The following TLCD4 variants were observed in gnomAD, a reference collection of about 807,000 sequenced individuals.
TLCD4 encodes TLC domain containing 4.
A neutral mutation model predicts 24.2 loss-of-function variants in TLCD4; 7 were observed. The ratio of observed to expected loss-of-function variants is 0.29; its 90% CI spans 0.16 to 0.54. TLCD4 has a LOEUF of 0.54. Among genes scored for constraint, TLCD4 ranks in the 20% least tolerant of loss-of-function variants. TLCD4 has a pLI of 0.95. For synonymous variants in TLCD4, 103 were observed against 106.4 expected (o/e 0.97, Z 0.20); for missense variants, 259 against 313.9 (o/e 0.82, Z 1.32).
intron 6 of TLCD4, among the ~76,000 whole-genome samples, chr1:95,185,993 A>G (rs1013640480): frequency 1.3e-5 from 2 of 152,224 alleles, no homozygotes; most frequent in African/African-American, 2.4e-5. Flanking sequence ...AAGCAATTAT[A>G]TGGGAACTAT....
At chr1:95,156,484 G>A (rs1304876232) in intron 5 of TLCD4, among the ~76,000 whole-genome samples, 1 of 152,120 alleles carries the variant, frequency 6.6e-6, no homozygotes, top group Non-Finnish European at 1.5e-5. Context: ...TTCACGGAAT[G>A]GTTGTAGGAT....
chr1:95,169,790 T>C (rs1022295929), intron 5 of TLCD4, among the ~76,000 whole-genome samples: 2 of 152,184 alleles, frequency 1.3e-5, no homozygotes, highest in Admixed American at 1.3e-4. Context: ...ATGATCTTCC[T>C]GCCTTAGCCT....
intron 6 of TLCD4, among the ~76,000 whole-genome samples, chr1:95,184,439 A>G (rs987482704): frequency 7.2e-5 from 11 of 151,954 alleles, no homozygotes; most frequent in African/African-American, 2.2e-4. Flanking sequence ...TAGTTTTTAC[A>G]CTTTTTCTAG....
intron 1 of TLCD4, among the ~76,000 whole-genome samples, chr1:95,123,522 A>G (rs1298471899): frequency 2.6e-5 from 4 of 152,222 alleles, no homozygotes; most frequent in Non-Finnish European, 4.4e-5. Flanking sequence ...AAACTAGCTC[A>G]TTACAAAAAA....
chr1:95,124,087 G>A (rs1676646724), intron 1 of TLCD4, among the ~76,000 whole-genome samples: 1 of 152,184 alleles, frequency 6.6e-6, no homozygotes, highest in Non-Finnish European at 1.5e-5. Flanking sequence ...GGGGGATTAG[G>A]CATGCACATT....
At chr1:95,136,253 T>G (rs1288990575) in intron 1 of TLCD4, among the ~76,000 whole-genome samples, 1 of 152,118 alleles carries the variant, frequency 6.6e-6, no homozygotes, top group African/African-American at 2.4e-5. Context: ...TGTTTTTTTT[T>G]GTGTGTGTTT....
upstream of TLCD4, among the ~76,000 whole-genome samples, chr1:95,113,457 T>G (rs1033651769): frequency 6.6e-6 from 1 of 152,154 alleles, no homozygotes; most frequent in African/African-American, 2.4e-5. Context: ...TACCATAAGA[T>G]GTCAATAAAG....
intron 5 of TLCD4, among the ~76,000 whole-genome samples, chr1:95,165,587 T>C (rs1449823206): frequency 6.6e-6 from 1 of 151,076 alleles, no homozygotes; most frequent in African/African-American, 2.4e-5. Flanking sequence ...TGCCTCAGCC[T>C]CCCAAGTAGT....
chr1:95,151,289 C>T, intron 4 of TLCD4, 36 bp from the exon 5 acceptor site: 1 of 1,604,936 alleles, frequency 6.2e-7, no homozygotes, highest in South Asian at 1.1e-5. Flanking sequence ...CAACTTTCTT[C>T]TTATGTAATA....
At chr1:95,098,708 G>T in the TLCD4 span, among the ~76,000 whole-genome samples, 1 of 152,136 alleles carries the variant, frequency 6.6e-6, no homozygotes, top group Non-Finnish European at 1.5e-5. Flanking sequence ...TTGTGGTCTT[G>T]CGTCTCAGTG....
chr1:95,141,959 A>G (rs1409757982), intron 1 of TLCD4, among the ~76,000 whole-genome samples: 1 of 152,196 alleles, frequency 6.6e-6, no homozygotes, highest in Non-Finnish European at 1.5e-5. Context: ...AGTGCAGTCA[A>G]TGACTTGGCT....
At chr1:95,097,570 A>C in the TLCD4 span, among the ~76,000 whole-genome samples, 1 of 152,254 alleles carries the variant, frequency 6.6e-6, no homozygotes, top group Non-Finnish European at 1.5e-5. Flanking sequence ...GGAGTAACGA[A>C]GTAGGGAAAC....
chr1:95,139,174 C>CAAAAAAAAAAAAAAAAAAAAAAAAAA, intron 1 of TLCD4, among the ~76,000 whole-genome samples: 1 of 76,814 alleles, frequency 1.3e-5, no homozygotes, highest in Non-Finnish European at 2.7e-5. Flanking sequence ...GAACCTGTGT[C>CAAAAAAAAAAAAAAAAAAAAAAAAAA]AAAAAAAAAA....
At position 95,192,141 on chromosome 1, in the gene TLCD4, CAAAA is replaced by C. The variant is rs1475509100; in HGVS notation, c.*278_*281del. 2.3e-5 allele frequency: 10 copies of C among 439,102 alleles called. No individual in the cohort carries two copies. Among genetic ancestry groups the C allele is most frequent in the Middle Eastern group, 1.6e-3 (2 of 1,224 alleles). 27.2% of individuals were successfully genotyped at this position (439,102 alleles called of 1,614,324 possible). A position where few individuals can be genotyped will look rare whatever the true frequency, so the allele number is the denominator to read the frequency against. ...TGAAACCTCATCTCTACTAAAAATA[CAAAA>C]AAAAGTAGCTGGGCGTGGTGGTTGG... On this transcript the variant is annotated 3_prime_UTR_variant, in exon 7 of 7. Transcript: ENST00000370203.
intron 1 of TLCD4, among the ~76,000 whole-genome samples, chr1:95,132,633 A>G (rs1458655436): frequency 6.6e-6 from 1 of 152,130 alleles, no homozygotes; most frequent in Non-Finnish European, 1.5e-5. Flanking sequence ...AGTAATATCA[A>G]GTAGCAGTAG....
the TLCD4 span, among the ~76,000 whole-genome samples, chr1:95,106,138 G>C: frequency 1.3e-5 from 2 of 152,046 alleles, no homozygotes; most frequent in Non-Finnish European, 2.9e-5. Context: ...ATTGAGAAAG[G>C]CTCAAATTCT....
At chr1:95,127,726 C>G (rs74103669) in intron 1 of TLCD4, among the ~76,000 whole-genome samples, 2,572 of 152,266 alleles carry the variant, frequency 0.017, 46 homozygotes, top group Middle Eastern at 0.075. Flanking sequence ...GGGACTCTTC[C>G]TAGCATAGAC....
At position 95,197,412 on chromosome 1, in the gene TLCD4, G is replaced by A. The variant is rs947172516; in HGVS notation, c.*5544G>A. The A allele has an allele frequency of 6.6e-6, 1 of 152,072 alleles. No individual in the cohort carries two copies. The highest frequency in any genetic ancestry group is 1.5e-5 in the Non-Finnish European group (1 of 68,020). The allele number at this position is 152,072 out of a possible 1,614,324, so 9.4% of individuals were successfully genotyped here. On this transcript the variant is annotated 3_prime_UTR_variant, in exon 7 of 7. Coordinates refer to ENST00000370203, the MANE Select transcript of TLCD4 (RefSeq NM_152487.3). ...AAGCAATAATCTGCATGTTATACAA[G>A]GTTGACATATTTTGTCCTGAAATTT...
At chr1:95,164,937 C>A (rs1180781888) in intron 5 of TLCD4, 1 of 152,070 alleles carries the variant, frequency 6.6e-6, no homozygotes, top group East Asian at 1.9e-4. Context: ...CATCATTTGC[C>A]TTTACTACAT....
Sources: gnomAD v4.1 joint callset for allele counts (sites outside exome capture counted in the v4.1 genomes callset) on GRCh38, gnomAD v4.1.1 for gene constraint, MANE v1.5 for transcripts, NCBI Gene and HGNC (gene_info 2026-07-23, HGNC 2026-07-21) for gene names.